The following WWC2 variants were observed in gnomAD, a reference collection of about 807,000 sequenced individuals.
The protein encoded by WWC2 is WW and C2 domain containing 2.
A neutral mutation model predicts 138.5 loss-of-function variants in WWC2; 101 were observed. The observed-to-expected ratio is 0.73, with a 90% CI of 0.62 to 0.86. The LOEUF (loss-of-function observed/expected upper bound fraction) is 0.86, where lower values mean the gene tolerates loss of function less well. Ranked by LOEUF, WWC2 falls within the 40% of genes least tolerant of loss-of-function variation. WWC2 has a pLI of 0.00. For synonymous variants in WWC2, 558 were observed against 538.4 expected (o/e 1.04, Z -0.50); for missense variants, 1,420 against 1,419.4 (o/e 1.00, Z -0.01).
At chr4:183,209,791 A>G (rs1323695412) in intron 4 of WWC2, among the ~76,000 whole-genome samples, 2 of 152,226 alleles carry the variant, frequency 1.3e-5, no homozygotes, top group Admixed American at 6.5e-5. Context: ...TGTTAAGGCC[A>G]GAACTTGTTT....
intron 1 of WWC2, among the ~76,000 whole-genome samples, chr4:183,128,075 T>A (rs1235812651): frequency 6.8e-6 from 1 of 147,894 alleles, no homozygotes; most frequent in Admixed American, 6.8e-5. Context: ...GTGCAGTGGC[T>A]CATGCCTGTA....
At chr4:183,213,676 C>T (rs890080117) in intron 4 of WWC2, among the ~76,000 whole-genome samples, 5 of 151,956 alleles carry the variant, frequency 3.3e-5, no homozygotes, top group African/African-American at 4.8e-5. Context: ...CAGTACTTCC[C>T]GATACCTTAT....
At chr4:183,300,254 G>A (rs1316365302) in intron 21 of WWC2, among the ~76,000 whole-genome samples, 1 of 152,026 alleles carries the variant, frequency 6.6e-6, no homozygotes, top group African/African-American at 2.4e-5. Context: ...GCATCTTATC[G>A]TGATTCGTTG....
chr4:183,123,355 A>G (rs889388508), intron 1 of WWC2, among the ~76,000 whole-genome samples: 1 of 152,158 alleles, frequency 6.6e-6, no homozygotes, highest in African/African-American at 2.4e-5. Context: ...AAATACCAAC[A>G]TAGACAAATC....
chr4:183,290,242 C>T (rs754397394), intron 21 of WWC2, among the ~76,000 whole-genome samples: 5 of 152,052 alleles, frequency 3.3e-5, no homozygotes, highest in Non-Finnish European at 7.4e-5. Flanking sequence ...TTTGGCTGGG[C>T]GCAGTGGCTC....
chr4:183,293,555 A>G (rs1738531183), intron 21 of WWC2, among the ~76,000 whole-genome samples: 1 of 152,336 alleles, frequency 6.6e-6, no homozygotes, highest in African/African-American at 2.4e-5. Context: ...TTTAAAATCA[A>G]ACACAAGACA....
At chr4:183,180,781 T>A (rs1734608581) in intron 1 of WWC2, among the ~76,000 whole-genome samples, 1 of 140,560 alleles carries the variant, frequency 7.1e-6, no homozygotes, top group Admixed American at 7.6e-5. Flanking sequence ...CCAGAAAGGG[T>A]AAATCTGTAG....
At position 183,124,305 on chromosome 4, in the gene WWC2, C is replaced by T. The variant is rs571904450; in HGVS notation, c.131+24683C>T. ...TCCTTTAATATTATTTTCTTTTCTA[C>T]TGTAACTGCAATCGTTTTCCTGTTC... On this transcript the variant is annotated intron_variant, in intron 1 of 22. Transcript: ENST00000403733. 5.9e-5 allele frequency among the ~76,000 whole-genome samples: 9 copies of T among 151,550 alleles called. No individual in the cohort carries two copies. The East Asian group carries it at 1.7e-3, about 29-fold the overall frequency.
At chr4:183,191,071 T>C (rs1187851309) in intron 1 of WWC2, among the ~76,000 whole-genome samples, 1 of 151,996 alleles carries the variant, frequency 6.6e-6, no homozygotes, top group East Asian at 1.9e-4. Flanking sequence ...CATCAAACAG[T>C]GATACAGAGG....
intron 1 of WWC2, among the ~76,000 whole-genome samples, chr4:183,136,242 G>A (rs919356241): frequency 6.6e-6 from 1 of 151,884 alleles, no homozygotes; most frequent in African/African-American, 2.4e-5. Context: ...GCTCTATTTA[G>A]AAAAATGTTA....
chr4:183,200,908 C>T (rs1326655632), intron 2 of WWC2, among the ~76,000 whole-genome samples: 1 of 152,162 alleles, frequency 6.6e-6, no homozygotes, highest in African/African-American at 2.4e-5. Context: ...CTAGCGCATA[C>T]TCAAGAGGCA....
At chr4:183,178,222 G>T (rs1734519825) in intron 1 of WWC2, among the ~76,000 whole-genome samples, 1 of 151,970 alleles carries the variant, frequency 6.6e-6, no homozygotes, top group East Asian at 1.9e-4. Flanking sequence ...GTCTCTAAAT[G>T]TAACAATAGC....
At chr4:183,122,777 C>A (rs952611867) in intron 1 of WWC2, among the ~76,000 whole-genome samples, 1 of 152,066 alleles carries the variant, frequency 6.6e-6, no homozygotes, top group Non-Finnish European at 1.5e-5. Flanking sequence ...ACTTGGCCCC[C>A]CAAAGTGCTG....
intron 1 of WWC2, among the ~76,000 whole-genome samples, chr4:183,133,943 G>GCAAC (rs1733028568): frequency 1.3e-5 from 2 of 152,174 alleles, no homozygotes; most frequent in Non-Finnish European, 2.9e-5. Context: ...AAAGCATATG[G>GCAAC]TTGTGGCATT....
chr4:183,226,010 C>T (rs1160141758), intron 4 of WWC2, among the ~76,000 whole-genome samples: 1 of 151,964 alleles, frequency 6.6e-6, no homozygotes, highest in East Asian at 1.9e-4. Context: ...ACTGTCCAGC[C>T]TGGATGCCAG....
chr4:183,142,510 C>T (rs574304197), intron 1 of WWC2, among the ~76,000 whole-genome samples: 2 of 152,290 alleles, frequency 1.3e-5, no homozygotes, highest in East Asian at 3.9e-4. Context: ...AGGTTGACCC[C>T]GACAAAGAGA....
chr4:183,217,587 TAAAAAA>T (rs138720671), intron 4 of WWC2, among the ~76,000 whole-genome samples: 1 of 151,124 alleles, frequency 6.6e-6, no homozygotes, highest in African/African-American at 2.4e-5. Context: ...AAAAATATAT[TAAAAAA>T]AACAAAATGG....
intron 16 of WWC2, among the ~76,000 whole-genome samples, chr4:183,276,786 TGTTA>T (rs1431652095): frequency 3.3e-5 from 5 of 152,238 alleles, no homozygotes; most frequent in East Asian, 1.9e-4. Flanking sequence ...AGTATAGACC[TGTTA>T]GTTATCTATT....
At chr4:183,204,931 G>C (rs1466709256) in intron 2 of WWC2, among the ~76,000 whole-genome samples, 1 of 152,122 alleles carries the variant, frequency 6.6e-6, no homozygotes, top group Non-Finnish European at 1.5e-5. Context: ...TATTGCTGTT[G>C]AGTATTTTGT....
Sources: gnomAD v4.1 joint callset for allele counts (sites outside exome capture counted in the v4.1 genomes callset) on GRCh38, gnomAD v4.1.1 for gene constraint, MANE v1.5 for transcripts, NCBI Gene and HGNC (gene_info 2026-07-23, HGNC 2026-07-21) for gene names.